Variants in HEPACAM2 observed in about 807,000 individuals in gnomAD.
The protein encoded by HEPACAM2 is mitotic kinetics regulator.
In HEPACAM2, 49 loss-of-function variants were observed where a neutral mutation model predicts 49.6. The ratio of observed to expected loss-of-function variants is 0.99; its 90% confidence interval spans 0.78 to 1.25. The LOEUF is 1.25. Among genes scored for constraint, HEPACAM2 ranks in the 50% most tolerant of loss-of-function variants. HEPACAM2 has a pLI of 0.00. For missense variants in HEPACAM2, 525 were observed against 557.2 expected, an observed-to-expected ratio of 0.94 and a Z score of 0.58; for synonymous variants, 197 against 202.9, an observed-to-expected ratio of 0.97 and a Z score of 0.25.
chr7:93,229,164 A>T (rs1337249817), upstream of HEPACAM2, among the ~76,000 whole-genome samples: 1 of 152,156 alleles, frequency 6.6e-6, no homozygotes, highest in East Asian at 1.9e-4. Flanking sequence ...AATGTTTCTT[A>T]TTGTTGTAAT....
upstream of HEPACAM2, among the ~76,000 whole-genome samples, chr7:93,227,946 A>G (rs1431004907): frequency 6.6e-6 from 1 of 152,230 alleles, no homozygotes; most frequent in Non-Finnish European, 1.5e-5. Context: ...GGCCCGTCTT[A>G]CGATTCTCAG....
Position 93,219,258 on chromosome 7 carries a change from G to A in HEPACAM2, c.273C>T (p.Asp91=). The A allele has an allele frequency of 1.2e-6, 2 of 1,614,022 alleles. No homozygotes were observed. The highest frequency in any genetic ancestry group is 1.7e-6 in the Non-Finnish European group (2 of 1,179,948). ...LGSVNKSVVP[D]LEYQHKFTMM... ...TGGTGAACTTGTGTTGGTATTCCAA[G>A]TCAGGAACCACAGACTTATTCACAG... Residue 91 remains aspartate (D), a synonymous_variant, in exon 2 of 10, where the codon GAC becomes GAT. Coordinates refer to ENST00000394468, the MANE Select transcript of HEPACAM2 (RefSeq NM_001039372.4).
At chr7:93,196,236 G>C (rs1013312186) in intron 7 of HEPACAM2, among the ~76,000 whole-genome samples, 2 of 152,100 alleles carry the variant, frequency 1.3e-5, no homozygotes, top group African/African-American at 4.8e-5. Flanking sequence ...AAGCCTGAAG[G>C]TCACACCAGT....
intron 8 of HEPACAM2, among the ~76,000 whole-genome samples, chr7:93,194,618 T>C (rs904852004): frequency 3.9e-5 from 6 of 152,044 alleles, no homozygotes; most frequent in African/African-American, 1.4e-4. Flanking sequence ...CACATGACAT[T>C]TCTCAAATAA....
intron 4 of HEPACAM2, among the ~76,000 whole-genome samples, chr7:93,202,144 A>G (rs1049841519): frequency 2.7e-5 from 4 of 150,506 alleles, no homozygotes; most frequent in African/African-American, 7.3e-5. Context: ...TTTAACATAT[A>G]TCGTATGATT....
chr7:93,227,221 C>T (rs1019585885), upstream of HEPACAM2, among the ~76,000 whole-genome samples: 2 of 152,154 alleles, frequency 1.3e-5, no homozygotes, highest in African/African-American at 4.8e-5. Flanking sequence ...CTGCAGTGTC[C>T]AGGTTACAGG....
At chr7:93,214,865 A>C (rs1036051613) in intron 3 of HEPACAM2, among the ~76,000 whole-genome samples, 6 of 152,180 alleles carry the variant, frequency 3.9e-5, no homozygotes, top group Non-Finnish European at 5.9e-5. Flanking sequence ...ATAATTGCTT[A>C]AGTAAATTTC....
chr7:93,203,134 A>T (rs1417404837), intron 4 of HEPACAM2, among the ~76,000 whole-genome samples: 1 of 152,080 alleles, frequency 6.6e-6, no homozygotes, highest in East Asian at 1.9e-4. Context: ...GGCTGTGGCA[A>T]AGGCCAAGAG....
chr7:93,208,804 C>G lies in HEPACAM2; in HGVS notation c.788G>C (p.Gly263Ala). The G allele has an allele frequency of 6.2e-7, 1 of 1,612,758 alleles. No individual in the cohort carries two copies. Reference protein sequence around the residue: ...KVGEVFTVDLGEAILFDCSAD... With the variant: ...KVGEVFTVDLAEAILFDCSAD... Reference sequence around the variant, plus strand: ...AGAACAATCAAATAGGATGGCCTCTCCAAGGTCAACAGTAAACACTTCCCC... The same window carrying G: ...AGAACAATCAAATAGGATGGCCTCTGCAAGGTCAACAGTAAACACTTCCCC... The change falls in exon 4 of 10, where the codon GGA (glycine) becomes GCA (alanine). Residue 263 changes from glycine to alanine, a missense_variant. Coordinates refer to ENST00000394468, the MANE Select transcript of HEPACAM2 (RefSeq NM_001039372.4).
chr7:93,205,401 G>A (rs1794002887), intron 4 of HEPACAM2: 1 of 152,052 alleles, frequency 6.6e-6, no homozygotes, highest in African/African-American at 2.4e-5. Context: ...CTGTGAACTT[G>A]GAGTCATCTC....
chr7:93,211,789 A>G (rs1794185142), intron 3 of HEPACAM2, among the ~76,000 whole-genome samples: 1 of 152,034 alleles, frequency 6.6e-6, no homozygotes, highest in South Asian at 2.1e-4. Flanking sequence ...ACCTGAGTCT[A>G]TGTACAAAAT....
chr7:93,207,699 C>A (rs527266520), intron 4 of HEPACAM2, among the ~76,000 whole-genome samples: 1 of 151,852 alleles, frequency 6.6e-6, no homozygotes, highest in African/African-American at 2.4e-5. Flanking sequence ...CTTAAATAGG[C>A]AATACAGACA....
At chr7:93,198,556 T>C (rs1398666025) in intron 4 of HEPACAM2, among the ~76,000 whole-genome samples, 2 of 152,186 alleles carry the variant, frequency 1.3e-5, no homozygotes, top group Non-Finnish European at 2.9e-5. Context: ...ATAGTCAATC[T>C]ATATAATAGG....
At chr7:93,197,326 T>C (rs1793753877) in intron 6 of HEPACAM2, 47 bp downstream of exon 6, 1 of 1,606,596 alleles carries the variant, frequency 6.2e-7, no homozygotes, top group Non-Finnish European at 8.5e-7. Flanking sequence ...AATTGAGGAA[T>C]AAGCATCTAA....
Position 93,219,419 on chromosome 7 carries a change from A to G in HEPACAM2, c.112T>C (p.Ser38Pro). ...ACSGLKVTVP[S>P]HTVHGVRGQA... Reference sequence around the variant, plus strand: ...CCTCTGACGCCATGGACAGTGTGTGATGGCACTGTCACCTTCAGCCCCGAG... The same window carrying G: ...CCTCTGACGCCATGGACAGTGTGTGGTGGCACTGTCACCTTCAGCCCCGAG... The change falls in exon 2 of 10, where the codon TCA becomes CCA. Residue 38 changes from serine to proline, a missense_variant. By Grantham distance (74) the Ser-to-Pro change is moderately conservative (BLOSUM62 -1). Coordinates refer to ENST00000394468, the MANE Select transcript of HEPACAM2 (RefSeq NM_001039372.4). 6.2e-7 allele frequency: 1 copy of G among 1,614,004 alleles called. No individual in the cohort carries two copies. Among genetic ancestry groups the G allele is most frequent in the Non-Finnish European group, 8.5e-7 (1 of 1,179,944 alleles).
chr7:93,195,976 T>G (rs1278920119), intron 7 of HEPACAM2, 75 bp from the exon 8 acceptor site: 2 of 1,008,786 alleles, frequency 2.0e-6, no homozygotes, highest in Non-Finnish European at 3.1e-6. Context: ...TTTGTAAAAC[T>G]TATCTTTATT....
chr7:93,224,378 T>A (rs901556616), intron 1 of HEPACAM2, among the ~76,000 whole-genome samples: 23 of 152,206 alleles, frequency 1.5e-4, no homozygotes, highest in Non-Finnish European at 2.6e-4. Flanking sequence ...TCGATTTTAT[T>A]ATTATATTCA....
chr7:93,215,278 T>C (rs1400543342), intron 3 of HEPACAM2, 123 bp downstream of exon 3: 8 of 789,834 alleles, frequency 1.0e-5, no homozygotes, highest in Non-Finnish European at 1.2e-5. Flanking sequence ...TTAGAACTAT[T>C]GAACTACAAT....
At chr7:93,212,430 CTT>C in intron 3 of HEPACAM2, among the ~76,000 whole-genome samples, 1 of 151,980 alleles carries the variant, frequency 6.6e-6, no homozygotes, top group East Asian at 1.9e-4. Context: ...GAACCTAACA[CTT>C]TGAAGCATTT....
Sources: allele counts gnomAD v4.1 joint callset (sites outside exome capture counted in the v4.1 genomes callset), GRCh38; gene constraint gnomAD v4.1.1; transcripts MANE v1.5; gene names NCBI Gene and HGNC (gene_info 2026-07-23, HGNC 2026-07-21).